NAPG: variants seen among roughly 807,000 people sequenced by gnomAD.
The protein encoded by NAPG is NSF attachment protein gamma.
Under a neutral mutation model 48.4 loss-of-function variants are expected in NAPG, and 25 were observed. The ratio of observed to expected loss-of-function variants is 0.52; its 90% confidence interval spans 0.38 to 0.72. NAPG has a LOEUF of 0.72. Among genes scored for constraint, NAPG ranks in the 30% least tolerant of loss-of-function variants. The pLI is 0.00. For synonymous variants in NAPG, 139 were observed against 127.2 expected (o/e 1.09, Z -0.62); for missense variants, 359 against 372.5 (o/e 0.96, Z 0.30).
intron 8 of NAPG, among the ~76,000 whole-genome samples, chr18:10,545,184 C>T (rs528181162): frequency 6.6e-5 from 10 of 152,006 alleles, no homozygotes; most frequent in South Asian, 2.1e-4. Context: ...TGGTGGTGGG[C>T]GCCTGTAATC....
intron 3 of NAPG, chr18:10,533,266 A>G (rs1228214472): frequency 2.8e-6 from 1 of 356,324 alleles, no homozygotes. Flanking sequence ...CTGTAGTCAT[A>G]ATAACTTTGT....
intron 8 of NAPG, chr18:10,540,657 A>G: frequency 6.1e-6 from 2 of 325,800 alleles, no homozygotes; most frequent in Non-Finnish European, 5.5e-6. Flanking sequence ...GCTCAGCAAC[A>G]TGAAAGGGAA....
chr18:10,531,713 C>G (rs1490902731), intron 2 of NAPG, among the ~76,000 whole-genome samples: 1 of 152,182 alleles, frequency 6.6e-6, no homozygotes, highest in Non-Finnish European at 1.5e-5. Context: ...ACTACTCATG[C>G]AAGGAGGCTT....
At position 10,551,626 on chromosome 18, in the gene NAPG, T is replaced by C. The variant is rs1051535351; in HGVS notation, c.*1406T>C. 3 of 152,200 alleles carry C rather than the reference T, an allele frequency of 2.0e-5. No individual in the cohort carries two copies. The highest frequency in any genetic ancestry group is 4.4e-5 in the Non-Finnish European group (3 of 68,038). 9.4% of individuals were successfully genotyped at this position (152,200 alleles called of 1,614,324 possible). A position where few individuals can be genotyped will look rare whatever the true frequency, so the allele number is the denominator to read the frequency against. On this transcript the variant is annotated 3_prime_UTR_variant, in exon 12 of 12. Coordinates refer to ENST00000322897, the MANE Select transcript of NAPG (RefSeq NM_003826.3). ...TGCCAAAGTAATTCCTGCTCATCCA[T>C]GCCCTGTCTCTGTCTCTTTTAGAGT... is the stretch of plus-strand genomic sequence containing the variant.
chr18:10,526,855 ACT>A (rs1421113144), intron 1 of NAPG: 30 of 151,950 alleles, frequency 2.0e-4, no homozygotes, highest in African/African-American at 6.8e-4. Flanking sequence ...CCGTTTCATT[ACT>A]CCAGTGCATT....
At position 10,534,117 on chromosome 18, in the gene NAPG, A is replaced by T. The variant is rs1031161381; in HGVS notation, c.228-349A>T. 2.0e-5 allele frequency among the ~76,000 whole-genome samples: 3 copies of T among 152,212 alleles called. No individual in the cohort carries two copies. Among genetic ancestry groups the T allele is most frequent in the African/African-American group, 7.2e-5 (3 of 41,462 alleles). ...AGCTGAGATCGTGCCTCTGCTCTCC[A>T]GCCTGGGCGACACAGCAAGGCTCCA... On this transcript the variant is annotated intron_variant, in intron 4 of 11. Coordinates refer to ENST00000322897, the MANE Select transcript of NAPG (RefSeq NM_003826.3). The surrounding 1 kb of genome is among the most constrained non-coding windows in gnomAD (Gnocchi z 5.0).
Position 10,546,276 on chromosome 18 carries a change from C to T in NAPG, c.507-50C>T. The T allele has an allele frequency of 8.2e-7, 1 of 1,216,724 alleles. No individual in the cohort carries two copies. Among genetic ancestry groups the T allele is most frequent in the South Asian group, 1.4e-5 (1 of 73,050 alleles). 75.4% of individuals were successfully genotyped at this position (1,216,724 alleles called of 1,614,324 possible). A position where few individuals can be genotyped will look rare whatever the true frequency, so the allele number is the denominator to read the frequency against. Reference sequence around the variant, plus strand: ...AAGTACATTTCACAGGGGACCTCTGCTATAGATCATTTAGACCTGCTTTTT... The same window carrying T: ...AAGTACATTTCACAGGGGACCTCTGTTATAGATCATTTAGACCTGCTTTTT... On this transcript the variant is annotated intron_variant, in intron 8 of 11. Transcript: ENST00000322897. This position sits in a 1 kb window ranked among gnomAD's most constrained non-coding sequence, Gnocchi z 4.0.
rs2032360172 is a variant in NAPG at position 10,550,235 on chromosome 18, A to G, written c.*15A>G. 6.4e-7 allele frequency: 1 copy of G among 1,564,584 alleles called. No individual in the cohort carries two copies. Among genetic ancestry groups the G allele is most frequent in the Admixed American group, 2.0e-5 (1 of 51,010 alleles). ...GACTATGCTAGTATTTTGCTTGCTG[A>G]AAAGAAAAGGGAAACAAAGGTAAAA... On this transcript the variant is annotated 3_prime_UTR_variant, in exon 12 of 12. Coordinates refer to ENST00000322897, the MANE Select transcript of NAPG (RefSeq NM_003826.3).
At position 10,542,246 on chromosome 18, in the gene NAPG, AG is replaced by A. The variant is rs1238136817; in HGVS notation, c.506+1849del. On this transcript the variant is annotated intron_variant, in intron 8 of 11. Coordinates refer to ENST00000322897, the MANE Select transcript of NAPG (RefSeq NM_003826.3). The surrounding 1 kb of genome is among the most constrained non-coding windows in gnomAD (Gnocchi z 4.5). The stretch of plus-strand genomic sequence containing the variant: ...TTATTGGTTTTTTTTTTTTCTTTTT[AG>A]GAAAAATGTATTTTAAAATGGTACT... 6.6e-6 allele frequency among the ~76,000 whole-genome samples: 1 copy of A among 150,378 alleles called. No homozygotes were observed. The highest frequency in any genetic ancestry group is 1.5e-5 in the Non-Finnish European group (1 of 67,616).
In NAPG at chr18:10,540,393, G is replaced by A; in HGVS notation, c.500G>A (p.Gly167Glu). 6.2e-7 allele frequency: 1 copy of A among 1,612,606 alleles called. No individual in the cohort carries two copies. Among genetic ancestry groups the A allele is most frequent in the Non-Finnish European group, 8.5e-7 (1 of 1,178,956 alleles). The change falls in exon 8 of 12, where the codon GGA (glycine) becomes GAA (glutamate). Residue 167 changes from glycine (G) to glutamate (E), a missense_variant. By Grantham distance (98) the Gly-to-Glu change is moderately conservative. Coordinates refer to ENST00000322897, the MANE Select transcript of NAPG (RefSeq NM_003826.3). Reference protein sequence around the residue: ...LGKASRLLVRGRRFDEAALSI... With the variant: ...LGKASRLLVRERRFDEAALSI... ...AAAGCCTCCAGACTACTAGTACGAG[G>A]ACGTAGGTATGTCTTTAAAAACTAT...
chr18:10,548,700 T>C lies in NAPG; in HGVS notation c.666-267T>C, dbSNP rs547770584. On this transcript the variant is annotated intron_variant, in intron 10 of 11. Transcript: ENST00000322897. The surrounding 1 kb of genome is among the most constrained non-coding windows in gnomAD (Gnocchi z 4.4). ...ATGTTACAGAAATCAAAATGAGGAA[T>C]TTTCTCGGTGTTTAACATGAGCAGT... 6.6e-6 allele frequency among the ~76,000 whole-genome samples: 1 copy of C among 152,280 alleles called. No individual in the cohort carries two copies. Among genetic ancestry groups the C allele is most frequent in the African/African-American group, 2.4e-5 (1 of 41,556 alleles).
chr18:10,538,379 CG>C (rs906375752), intron 5 of NAPG, among the ~76,000 whole-genome samples: 1 of 152,056 alleles, frequency 6.6e-6, no homozygotes, highest in African/African-American at 2.4e-5. Context: ...CTGCTGATGC[CG>C]TAGCTTTTGA....
At position 10,529,896 on chromosome 18, in the gene NAPG, C is replaced by G. The variant is rs2031893318; in HGVS notation, c.57-874C>G. 3.9e-5 allele frequency among the ~76,000 whole-genome samples: 6 copies of G among 152,314 alleles called. No individual in the cohort carries two copies. The South Asian group carries it at 1.2e-3, about 32-fold the overall frequency. On this transcript the variant is annotated intron_variant, in intron 1 of 11. Transcript: ENST00000322897. ...CATTTGAAGCAAGCAGTGTTCTGTG[C>G]AAGCAGGCCTTCACTAATTGAATGA...
chr18:10,549,035 A>G lies in NAPG; in HGVS notation c.734A>G (p.Gln245Arg). ...CAGCTTCTTGAAGGTTATGACCAGC[A>G]AGACCAAGATCAGGTGTCAGATGTC... ...LEQLLEGYDQQDQDQVSDVCN... is the reference protein window; with the variant it reads ...LEQLLEGYDQRDQDQVSDVCN... Residue 245 changes from glutamine to arginine, a missense_variant, in exon 11 of 12, where the codon CAA becomes CGA. Physicochemically the swap from Gln to Arg is conservative, Grantham distance 43. Coordinates refer to ENST00000322897, the MANE Select transcript of NAPG (RefSeq NM_003826.3). 6.2e-7 allele frequency: 1 copy of G among 1,613,982 alleles called. No homozygotes were observed. Among genetic ancestry groups the G allele is most frequent in the Non-Finnish European group, 8.5e-7 (1 of 1,179,844 alleles).
chr18:10,546,205 T>G lies in NAPG; in HGVS notation c.507-121T>G. On this transcript the variant is annotated intron_variant, in intron 8 of 11. Coordinates refer to ENST00000322897, the MANE Select transcript of NAPG (RefSeq NM_003826.3). The surrounding 1 kb of genome is among the most constrained non-coding windows in gnomAD (Gnocchi z 4.0). The stretch of plus-strand genomic sequence containing the variant: ...GTGGAAACCTGGGTCCTGGGGCAGC[T>G]GCTAATAATACCTGTCCTCCTGGTG... 1 of 512,604 alleles carries G rather than the reference T, an allele frequency of 2.0e-6. No homozygotes were observed. Among genetic ancestry groups the G allele is most frequent in the East Asian group, 3.6e-5 (1 of 27,674 alleles). 31.8% of individuals were successfully genotyped at this position (512,604 alleles called of 1,614,324 possible).
intron 5 of NAPG, among the ~76,000 whole-genome samples, chr18:10,538,552 G>A (rs2032082655): frequency 6.6e-6 from 1 of 152,192 alleles, no homozygotes; most frequent in Non-Finnish European, 1.5e-5. Context: ...CTTGGTAAAT[G>A]TTTAAAGAAT....
chr18:10,529,089 A>G (rs755743901), intron 1 of NAPG, among the ~76,000 whole-genome samples: 6 of 152,230 alleles, frequency 3.9e-5, no homozygotes, highest in Non-Finnish European at 5.9e-5. Flanking sequence ...TTTCTTCCTT[A>G]TTAGTGGTGT....
chr18:10,536,851 A>G (rs1354231260), intron 5 of NAPG, among the ~76,000 whole-genome samples: 4 of 152,126 alleles, frequency 2.6e-5, no homozygotes, highest in Non-Finnish European at 5.9e-5. Flanking sequence ...TTGGGGAGGA[A>G]ATACAGTTGA....
At chr18:10,526,246 G>GGGT in intron 1 of NAPG, 88 bp downstream of exon 1, 5 of 490,182 alleles carry the variant, frequency 1.0e-5, no homozygotes, top group East Asian at 5.8e-5. Context: ...GGGCGGGAGG[G>GGGT]AGGGCTCAGG....
Sources: allele counts gnomAD v4.1 joint callset (sites outside exome capture counted in the v4.1 genomes callset), GRCh38; gene constraint gnomAD v4.1.1; non-coding constraint Gnocchi (gnomAD v3.1); transcripts MANE v1.5; gene names NCBI Gene and HGNC (gene_info 2026-07-23, HGNC 2026-07-21).